The following SAMD3 variants were observed in gnomAD, a reference collection of about 807,000 sequenced individuals.
SAMD3 encodes the protein sterile alpha motif domain-containing protein 3.
SAMD3 carries 63 observed loss-of-function variants against 58.5 expected under a neutral mutation model. The observed-to-expected ratio is 1.08, with a 90% CI of 0.88 to 1.33. The LOEUF is 1.33. Among genes scored for constraint, SAMD3 ranks in the 40% most tolerant of loss-of-function variants. SAMD3 has a pLI of 0.00. For synonymous variants in SAMD3, 220 were observed against 210.3 expected (o/e 1.05, Z -0.40); for missense variants, 604 against 608.4 (o/e 0.99, Z 0.08).
At chr6:130,183,150 G>A (rs769439066) in intron 7 of SAMD3, 15 of 331,020 alleles carry the variant, frequency 4.5e-5, no homozygotes, top group Admixed American at 3.0e-4. Flanking sequence ...GTTCTCAGCC[G>A]TGGTTGTACA....
intron 1 of SAMD3, among the ~76,000 whole-genome samples, chr6:130,322,213 G>A (rs928321585): frequency 6.6e-6 from 1 of 152,156 alleles, no homozygotes; most frequent in East Asian, 1.9e-4. Context: ...GGACAGAGGC[G>A]GAATCTGGTT....
chr6:130,271,153 C>T (rs1374312860), intron 2 of SAMD3, among the ~76,000 whole-genome samples: 2 of 152,072 alleles, frequency 1.3e-5, no homozygotes, highest in Non-Finnish European at 2.9e-5. Context: ...GAGCACCACA[C>T]CATACTTGGC....
chr6:130,250,593 C>T lies in SAMD3; in HGVS notation c.-187-27780G>A, dbSNP rs571318922. On this transcript the variant is annotated intron_variant, in intron 2 of 13. Transcript: ENST00000368134. ...GCAGTCACTCTCCATTCCACCCTCA[C>T]CCATTGTTCTATCATCTCCCCAAGC... Among the ~76,000 whole-genome samples the T allele has an allele frequency of 2.0e-5, 3 of 152,272 alleles. No individual in the cohort carries two copies. In the South Asian group the frequency reaches 6.2e-4, roughly 32 times the overall value.
chr6:130,183,860 C>T (rs180762138), intron 7 of SAMD3, among the ~76,000 whole-genome samples: 38 of 150,964 alleles, frequency 2.5e-4, no homozygotes, highest in East Asian at 3.9e-4. Context: ...AGAGAGAGAG[C>T]GCAAAGTCAA....
intron 1 of SAMD3, among the ~76,000 whole-genome samples, chr6:130,350,316 G>A (rs1486144936): frequency 1.3e-5 from 2 of 152,118 alleles, no homozygotes; most frequent in African/African-American, 4.8e-5. Context: ...TGTATATCTA[G>A]AAAACCCCAT....
At chr6:130,231,838 G>T (rs1448210591) in intron 2 of SAMD3, among the ~76,000 whole-genome samples, 4 of 151,886 alleles carry the variant, frequency 2.6e-5, no homozygotes, top group African/African-American at 9.7e-5. Flanking sequence ...CTGTTTTCTT[G>T]AAGGAACATT....
At chr6:130,217,768 A>G (rs1796074259) in intron 1 of SAMD3, among the ~76,000 whole-genome samples, 1 of 152,192 alleles carries the variant, frequency 6.6e-6, no homozygotes, top group East Asian at 1.9e-4. Context: ...CTTTCTTTCT[A>G]TTTGCATTTT....
intron 2 of SAMD3, among the ~76,000 whole-genome samples, chr6:130,289,088 AAC>A (rs1180703368): frequency 1.3e-5 from 2 of 152,198 alleles, no homozygotes; most frequent in Non-Finnish European, 2.9e-5. Context: ...TCTAATAAAT[AAC>A]ACAATTAAGG....
At chr6:130,348,176 G>C (rs1583139720) in intron 1 of SAMD3, among the ~76,000 whole-genome samples, 1 of 151,986 alleles carries the variant, frequency 6.6e-6, no homozygotes, top group East Asian at 1.9e-4. Context: ...CAACCAATGA[G>C]CAAAATAACC....
chr6:130,248,249 C>CAACAAAAAAAAGTTTG (rs1265239345), intron 2 of SAMD3, among the ~76,000 whole-genome samples: 1 of 148,602 alleles, frequency 6.7e-6, no homozygotes, highest in African/African-American at 2.5e-5. Context: ...TGCTTCTTTG[C>CAACAAAAAAAAGTTTG]CTTTATTAAC....
At chr6:130,200,784 T>C (rs1400879771) in intron 5 of SAMD3, among the ~76,000 whole-genome samples, 1 of 152,182 alleles carries the variant, frequency 6.6e-6, no homozygotes, top group South Asian at 2.1e-4. Flanking sequence ...GGTGGTGTTA[T>C]TGAACTGTTT....
intron 2 of SAMD3, among the ~76,000 whole-genome samples, chr6:130,250,609 C>T (rs1311033605): frequency 6.6e-6 from 1 of 152,182 alleles, no homozygotes; most frequent in Non-Finnish European, 1.5e-5. Context: ...GTTCTATCAT[C>T]TCCCCAAGCA....
Position 130,359,514 on chromosome 6 carries a change from T to C in SAMD3, c.-304+5606A>G, listed in dbSNP as rs142819562. 1.9e-3 allele frequency among the ~76,000 whole-genome samples: 289 copies of C among 152,322 alleles called. 1 individual carries two copies. Among genetic ancestry groups the C allele is most frequent in the Middle Eastern group, 6.8e-3 (2 of 294 alleles). ...GTCTCTGCATCTTTCAGAGCCAAGA[T>C]CTTGGATCCCTATGTCTTTGAATTC... On this transcript the variant is annotated intron_variant, in intron 1 of 13. Transcript: ENST00000368134.
At chr6:130,153,279 T>G (rs928156779) in intron 9 of SAMD3, among the ~76,000 whole-genome samples, 1 of 152,156 alleles carries the variant, frequency 6.6e-6, no homozygotes, top group Non-Finnish European at 1.5e-5. Flanking sequence ...ACCTGAAGAT[T>G]AAGGGGAAAC....
chr6:130,205,505 T>C (rs866277184), intron 5 of SAMD3, among the ~76,000 whole-genome samples: 4 of 152,194 alleles, frequency 2.6e-5, no homozygotes, highest in African/African-American at 7.2e-5. Context: ...GGTTTTACCA[T>C]GTTGGCCAGA....
At chr6:130,290,344 C>A (rs549330425) in intron 2 of SAMD3, among the ~76,000 whole-genome samples, 1 of 152,184 alleles carries the variant, frequency 6.6e-6, no homozygotes, top group Non-Finnish European at 1.5e-5. Context: ...CTATGTTACA[C>A]TCTTGAGTTA....
chr6:130,354,446 G>C (rs1194858569), intron 1 of SAMD3, among the ~76,000 whole-genome samples: 10 of 152,150 alleles, frequency 6.6e-5, no homozygotes, highest in Non-Finnish European at 1.5e-4. Flanking sequence ...CTGGTAGACT[G>C]GATAAAGAAA....
chr6:130,305,013 T>C (rs400898), intron 2 of SAMD3, among the ~76,000 whole-genome samples: 1 of 145,466 alleles, frequency 6.9e-6, no homozygotes, highest in East Asian at 2.1e-4. Context: ...TGGCTCACTG[T>C]AGCCTCTGTC....
At chr6:130,224,761 G>C (rs1160998294), upstream of SAMD3, among the ~76,000 whole-genome samples, 1 of 151,882 alleles carries the variant, frequency 6.6e-6, no homozygotes, top group African/African-American at 2.4e-5. Context: ...TGGGACTACA[G>C]GCACGTGCCA....
Sources: gnomAD v4.1 joint callset for allele counts (sites outside exome capture counted in the v4.1 genomes callset) on GRCh38, gnomAD v4.1.1 for gene constraint, MANE v1.5 for transcripts, NCBI Gene and HGNC (gene_info 2026-07-23, HGNC 2026-07-21) for gene names.